Variants in SPTBN2 observed in about 807,000 individuals in gnomAD.
SPTBN2 encodes the protein spectrin beta chain, non-erythrocytic 2.
SPTBN2 carries 107 observed loss-of-function variants against 284.2 expected under a neutral mutation model. The ratio of observed to expected loss-of-function variants is 0.38; its 90% confidence interval spans 0.32 to 0.44. SPTBN2 has a LOEUF of 0.44. Ranked by LOEUF, SPTBN2 falls within the 20% of genes least tolerant of loss-of-function variation. The probability of loss-of-function intolerance (pLI) is 1.00; values close to 1 mark genes in which losing one functional copy is unlikely to be tolerated. For synonymous variants in SPTBN2, 1,289 were observed against 1,354.8 expected (o/e 0.95, Z 1.07); for missense variants, 2,569 against 3,287.1 (o/e 0.78, Z 5.34).
Position 66,708,326 on chromosome 11 carries a change from AAGGGACAGGGTGGGG to A in SPTBN2, c.1192-42_1192-28del. On this transcript the variant is annotated intron_variant, in intron 11 of 37. Coordinates refer to ENST00000533211, the MANE Select transcript of SPTBN2 (RefSeq NM_006946.4). This position sits in a 1 kb window ranked among gnomAD's most constrained non-coding sequence, Gnocchi z 4.4. ...TATGGGGTGGGGACAGGGTTAGTGGAAGGGACAGGGTGGGGAGGGCTCAGTGGGGCTGGAGGCACA... is the reference window on the plus strand; with the variant it reads ...TATGGGGTGGGGACAGGGTTAGTGGAAGGGCTCAGTGGGGCTGGAGGCACA... The A allele has an allele frequency of 6.4e-7, 1 of 1,562,056 alleles. No individual in the cohort carries two copies. Among genetic ancestry groups the A allele is most frequent in the Non-Finnish European group, 8.7e-7 (1 of 1,149,520 alleles).
In SPTBN2 at chr11:66,718,724, G is replaced by A. The variant is rs1037873517; in HGVS notation, c.157+2360C>T. On this transcript the variant is annotated intron_variant, in intron 3 of 37. Coordinates refer to ENST00000533211, the MANE Select transcript of SPTBN2 (RefSeq NM_006946.4). The surrounding 1 kb of genome is among the most constrained non-coding windows in gnomAD (Gnocchi z 4.8). ...GTGGAACCTCAGGCTGGAGTCCAGC[G>A]TCAGGGGATTCAAGAATGGTGGGAA... Among the ~76,000 whole-genome samples, 2 of 152,242 alleles carry A rather than the reference G, an allele frequency of 1.3e-5. No homozygotes were observed. Among genetic ancestry groups the A allele is most frequent in the Non-Finnish European group, 1.5e-5 (1 of 68,042 alleles).
upstream of SPTBN2, among the ~76,000 whole-genome samples, chr11:66,730,666 G>A (rs1042104702): frequency 1.3e-5 from 2 of 152,108 alleles, no homozygotes; most frequent in African/African-American, 4.8e-5. Flanking sequence ...CTGGTTACGG[G>A]AACTAAGGGT....
chr11:66,708,085 CCT>C lies in SPTBN2; in HGVS notation c.1350+54_1350+55del, dbSNP rs1941661756. On this transcript the variant is annotated intron_variant, in intron 12 of 37. Transcript: ENST00000533211. The surrounding 1 kb of genome is among the most constrained non-coding windows in gnomAD (Gnocchi z 4.4). The stretch of plus-strand genomic sequence containing the variant: ...CCACCCCGCGGGGCTTCTTATCCAC[CCT>C]GTCTCTCTCCCAGTTCTGACCAGCC... 3 of 1,609,608 alleles carry C rather than the reference CCT, an allele frequency of 1.9e-6. No homozygotes were observed. Among genetic ancestry groups the C allele is most frequent in the Non-Finnish European group, 2.5e-6 (3 of 1,177,262 alleles).
Position 66,684,190 on chromosome 11 carries a change from A to G in SPTBN2, c.*1681T>C, listed in dbSNP as rs1340303422. 1.3e-5 allele frequency among the ~76,000 whole-genome samples: 2 copies of G among 152,236 alleles called. No individual in the cohort carries two copies. The highest frequency in any genetic ancestry group is 2.4e-5 in the African/African-American group (1 of 41,464). Reference sequence around the variant, plus strand: ...CGGTTGTCTGTGTGTATAGGAAACAATGAAAGAACACGCTTTTCCTGTTGG... The same window carrying G: ...CGGTTGTCTGTGTGTATAGGAAACAGTGAAAGAACACGCTTTTCCTGTTGG... On this transcript the variant is annotated 3_prime_UTR_variant, in exon 38 of 38. Transcript: ENST00000533211.
At chr11:66,731,953 T>C (rs138442114), upstream of SPTBN2, among the ~76,000 whole-genome samples, 4 of 152,320 alleles carry the variant, frequency 2.6e-5, no homozygotes, top group African/African-American at 9.6e-5. Context: ...CAAAGTATAA[T>C]GAGTGTTATG....
chr11:66,694,662 C>T (rs771044637), intron 21 of SPTBN2, among the ~76,000 whole-genome samples: 4 of 152,230 alleles, frequency 2.6e-5, no homozygotes, highest in Non-Finnish European at 5.9e-5. Flanking sequence ...TGCACCCACA[C>T]CCGCGAATCT....
intron 1 of SPTBN2, among the ~76,000 whole-genome samples, chr11:66,736,076 C>T (rs915533516): frequency 2.6e-5 from 4 of 152,004 alleles, no homozygotes; most frequent in South Asian, 4.2e-4. Flanking sequence ...ATCAAGTATT[C>T]GAAAGCAAAA....
chr11:66,732,651 C>CAAA (rs58620927), upstream of SPTBN2, among the ~76,000 whole-genome samples: 1 of 75,840 alleles, frequency 1.3e-5, no homozygotes, highest in Non-Finnish European at 2.5e-5. Flanking sequence ...CTCTGTCTCT[C>CAAA]AAAAAAAAAA....
In SPTBN2 at chr11:66,700,558, C is replaced by T; in HGVS notation, c.3541G>A (p.Ala1181Thr). 1 of 1,606,570 alleles carries T rather than the reference C, an allele frequency of 6.2e-7. No homozygotes were observed. The change falls in exon 17 of 38, where the codon GCT becomes ACT. Residue 1181 changes from alanine to threonine, a missense_variant. Physicochemically the swap from Ala to Thr is moderately conservative, Grantham distance 58 (BLOSUM62 0). Coordinates refer to ENST00000533211, the MANE Select transcript of SPTBN2 (RefSeq NM_006946.4). This position sits in a 1 kb window ranked among gnomAD's most constrained non-coding sequence, Gnocchi z 6.6. ...CTGAGCACGCCCTCAGCCTGACGAG[C>T]ATCCCGCAGGAATCCCTGGAAGCCG... ...AHGFQGFLRD[A>T]RQAEGVLSSQ...
Position 66,705,202 on chromosome 11 carries a change from C to T in SPTBN2, c.2074G>A (p.Gly692Ser). The T allele has an allele frequency of 3.3e-6, 5 of 1,537,788 alleles. No individual in the cohort carries two copies. Among genetic ancestry groups the T allele is most frequent in the Non-Finnish European group, 4.4e-6 (5 of 1,144,920 alleles). ...KHTALRGEMSGRLGPLKLTLE... is the reference protein window; with the variant it reads ...KHTALRGEMSSRLGPLKLTLE... ...GTGAGCTTCAGGGGCCCCAGCCGGC[C>T]GCTCATCTCGCCCCGCAGGGCTGTG... The change falls in exon 15 of 38, where the codon GGC becomes AGC. Residue 692 changes from glycine to serine, a missense_variant. By Grantham distance (56) the Gly-to-Ser change is moderately conservative (BLOSUM62 0). Transcript: ENST00000533211.
intron 10 of SPTBN2, among the ~76,000 whole-genome samples, chr11:66,709,364 G>T (rs1048518882): frequency 4.6e-5 from 7 of 152,112 alleles, no homozygotes; most frequent in African/African-American, 1.7e-4. Context: ...TTTTAGTAGA[G>T]ATGGGGTTTC....
chr11:66,693,663 A>G lies in SPTBN2; in HGVS notation c.4593+109T>C. 1.5e-6 allele frequency: 2 copies of G among 1,323,568 alleles called. No individual in the cohort carries two copies. Among genetic ancestry groups the G allele is most frequent in the Non-Finnish European group, 2.1e-6 (2 of 946,652 alleles). The allele number at this position is 1,323,568 out of a possible 1,614,324, so 82.0% of individuals were successfully genotyped here. A position where few individuals can be genotyped will look rare whatever the true frequency, so the allele number is the denominator to read the frequency against. On this transcript the variant is annotated intron_variant, in intron 23 of 37. Coordinates refer to ENST00000533211, the MANE Select transcript of SPTBN2 (RefSeq NM_006946.4). This position sits in a 1 kb window ranked among gnomAD's most constrained non-coding sequence, Gnocchi z 5.7. ...CAAGGTGAGGAAAGACAGCCACTGA[A>G]GTCCAGGGTTACACTCAGCATCGAG...
In SPTBN2 at chr11:66,688,277, C is replaced by T. The variant is rs569905004; in HGVS notation, c.6266G>A (p.Arg2089Lys). ...CTGTTTCCGCCGCTCCTCCTCCTCC[C>T]TCTTTCTCTTTCGCTCCTTCTCCCG... Reference protein sequence around the residue: ...EEREKERKRKREEEERRKQPP... With the variant: ...EEREKERKRKKEEEERRKQPP... Residue 2089 changes from arginine (R) to lysine (K), a missense_variant, in exon 32 of 38, where the codon AGG (arginine) becomes AAG (lysine). Arg to Lys is a conservative substitution (Grantham distance 26, BLOSUM62 2). Around this residue, in one of 6 missense-constraint regions of SPTBN2, gnomAD observed 1,130 missense variants for 1,317.3 expected, o/e 0.86. Coordinates refer to ENST00000533211, the MANE Select transcript of SPTBN2 (RefSeq NM_006946.4). The T allele has an allele frequency of 9.7e-5, 156 of 1,609,812 alleles. 1 individual carries two copies. In the East Asian group the frequency reaches 3.3e-3, roughly 34 times the overall value.
chr11:66,715,687 C>G lies in SPTBN2; in HGVS notation c.309+143G>C. 4.1e-6 allele frequency: 5 copies of G among 1,222,166 alleles called. No individual in the cohort carries two copies. Among genetic ancestry groups the G allele is most frequent in the Non-Finnish European group, 5.8e-6 (5 of 859,602 alleles). The allele number at this position is 1,222,166 out of a possible 1,614,324, so 75.7% of individuals were successfully genotyped here. A position where few individuals can be genotyped will look rare whatever the true frequency, so the allele number is the denominator to read the frequency against. On this transcript the variant is annotated intron_variant, in intron 4 of 37. Transcript: ENST00000533211. This position sits in a 1 kb window ranked among gnomAD's most constrained non-coding sequence, Gnocchi z 5.3. ...CTATGTAATCTAAGTGGCAAAGGCA[C>G]TTGAAATGAACCCATCCTCTGAGCA...
chr11:66,687,692 C>A lies in SPTBN2; in HGVS notation c.6502-45G>T. On this transcript the variant is annotated intron_variant, in intron 34 of 37. Coordinates refer to ENST00000533211, the MANE Select transcript of SPTBN2 (RefSeq NM_006946.4). The surrounding 1 kb of genome is among the most constrained non-coding windows in gnomAD (Gnocchi z 5.2). ...AGTGTCAAAGGTTGAGACGGGAGAT[C>A]CCTAACCTGGGTGCCAGGAAGCTCC... is the stretch of plus-strand genomic sequence containing the variant. 1 of 1,574,860 alleles carries A rather than the reference C, an allele frequency of 6.3e-7. No individual in the cohort carries two copies.
Position 66,691,441 on chromosome 11 carries a change from A to G in SPTBN2, c.5408T>C (p.Leu1803Pro). The G allele has an allele frequency of 6.2e-7, 1 of 1,612,170 alleles. No individual in the cohort carries two copies. The highest frequency in any genetic ancestry group is 8.5e-7 in the Non-Finnish European group (1 of 1,179,852). Reference protein sequence around the residue: ...RGQVLAAAYELQRFLHGARQA... With the variant: ...RGQVLAAAYEPQRFLHGARQA... ...GCGTGCCCCGTGCAGGAAGCGCTGC[A>G]GCTCGTACGCCGCGGCCAGCACCTG... Residue 1803 changes from leucine to proline, a missense_variant, in exon 27 of 38, where the codon CTG becomes CCG. Coordinates refer to ENST00000533211, the MANE Select transcript of SPTBN2 (RefSeq NM_006946.4). This position sits in a 1 kb window ranked among gnomAD's most constrained non-coding sequence, Gnocchi z 8.0.
upstream of SPTBN2, among the ~76,000 whole-genome samples, chr11:66,730,247 C>T (rs1942784999): frequency 6.6e-6 from 1 of 152,154 alleles, no homozygotes; most frequent in African/African-American, 2.4e-5. Context: ...TGACGGTCAT[C>T]AGGGACACTT....
chr11:66,700,600 G>C lies in SPTBN2; in HGVS notation c.3499C>G (p.Arg1167Gly). The C allele has an allele frequency of 6.2e-7, 1 of 1,607,862 alleles. No individual in the cohort carries two copies. Among genetic ancestry groups the C allele is most frequent in the African/African-American group, 1.3e-5 (1 of 75,060 alleles). ...LGRMWESRQG[R>G]LAQAHGFQGF... is the part of the protein sequence containing the mutation. Reference sequence around the variant, plus strand: ...TGGAAGCCGTGGGCCTGGGCCAGGCGACCTTGCCGGCTCTCCCACATTCGG... The same window carrying C: ...TGGAAGCCGTGGGCCTGGGCCAGGCCACCTTGCCGGCTCTCCCACATTCGG... Residue 1167 changes from arginine to glycine, a missense_variant, in exon 17 of 38, where the codon CGC (arginine) becomes GGC (glycine). Arg to Gly is a moderately radical substitution (Grantham distance 125). This residue lies in a region of SPTBN2 where 1,012 missense variants were observed against 1,248.9 expected (regional missense o/e 0.81). Coordinates refer to ENST00000533211, the MANE Select transcript of SPTBN2 (RefSeq NM_006946.4). The surrounding 1 kb of genome is among the most constrained non-coding windows in gnomAD (Gnocchi z 6.6).
rs1354387191 is a variant in SPTBN2, at chr11:66,701,627, C to T, written c.2773G>A (p.Gly925Ser). ...TGGGTGTTGACAATGCGGTCTTTGC[C>T]TGGGGGGTTGGCCTTCAGTAACTGC... ...AEQLLKANPPGKDRIVNTQEQ... is the reference protein window; with the variant it reads ...AEQLLKANPPSKDRIVNTQEQ... Residue 925 changes from glycine (G) to serine (S), a missense_variant, in exon 16 of 38, where the codon GGC (glycine) becomes AGC (serine). Gly to Ser is a moderately conservative substitution (Grantham distance 56, BLOSUM62 0). Transcript: ENST00000533211. The T allele has an allele frequency of 6.2e-7, 1 of 1,614,056 alleles. No individual in the cohort carries two copies. Among genetic ancestry groups the T allele is most frequent in the East Asian group, 2.2e-5 (1 of 44,862 alleles).
Sources: allele counts gnomAD v4.1 joint callset (sites outside exome capture counted in the v4.1 genomes callset), GRCh38; gene constraint gnomAD v4.1.1; regional missense constraint gnomAD v4.1.1; non-coding constraint Gnocchi (gnomAD v3.1); transcripts MANE v1.5; gene names NCBI Gene and HGNC (gene_info 2026-07-23, HGNC 2026-07-21).